PLCB4: variants seen among roughly 807,000 people sequenced by gnomAD.
The protein encoded by PLCB4 is 1-phosphatidylinositol 4,5-bisphosphate phosphodiesterase beta-4.
PLCB4 carries 77 observed loss-of-function variants against 178.8 expected under a neutral mutation model. The observed-to-expected ratio is 0.43, with a 90% CI of 0.36 to 0.52. The LOEUF (loss-of-function observed/expected upper bound fraction) is 0.52, where lower values mean the gene tolerates loss of function less well. Ranked by LOEUF, PLCB4 falls within the 20% of genes least tolerant of loss-of-function variation. The pLI is 0.00. For synonymous variants in PLCB4, 496 were observed against 490.8 expected (o/e 1.01, Z -0.14); for missense variants, 1,024 against 1,453.4 (o/e 0.70, Z 4.80).
chr20:9,268,186 C>T (rs1601524793), intron 3 of PLCB4, among the ~76,000 whole-genome samples: 1 of 152,260 alleles, frequency 6.6e-6, no homozygotes, highest in South Asian at 2.1e-4. Context: ...CAAAAACAAA[C>T]TAGCAAAATT....
intron 12 of PLCB4, among the ~76,000 whole-genome samples, chr20:9,375,606 TATGATACG>T (rs2036601868): frequency 6.6e-6 from 1 of 152,162 alleles, no homozygotes. Flanking sequence ...ATCCTTTGAG[TATGATACG>T]ATGTTTATTT....
chr20:9,372,857 C>CTGT lies in PLCB4; in HGVS notation c.687-170_687-168dup, dbSNP rs111506447. On this transcript the variant is annotated intron_variant, in intron 11 of 39. Coordinates refer to ENST00000378473, the MANE Select transcript of PLCB4 (RefSeq NM_001377142.1). ...GTGACCTAGTGGGAGTGTTTTCCTT[C>CTGT]TGTTGTTGTTGTTGTTGTTGTTTTA... 8.8e-3 allele frequency among the ~76,000 whole-genome samples: 1,322 copies of CTGT among 150,254 alleles called. 23 individuals are homozygous for CTGT. The highest frequency in any genetic ancestry group is 0.03 in the African/African-American group (1,231 of 41,044).
intron 7 of PLCB4, 93 bp downstream of exon 7, chr20:9,339,130 T>C: frequency 1.1e-6 from 1 of 943,502 alleles, no homozygotes; most frequent in Non-Finnish European, 1.6e-6. Flanking sequence ...TATACTTAAA[T>C]TGTATGGTAA....
At position 9,419,272 on chromosome 20, in the gene PLCB4, C is replaced by CA. The variant is rs150815054; in HGVS notation, c.2052-534dup. 8.8e-3 allele frequency among the ~76,000 whole-genome samples: 1,337 copies of CA among 152,280 alleles called. 5 individuals are homozygous for CA. The highest frequency in any genetic ancestry group is 0.019 in the South Asian group (90 of 4,828). ...GTGAATGTAGACAACAATCCACAGT[C>CA]ACATTAGTGGTACCCGTGACTCTCT... On this transcript the variant is annotated intron_variant, in intron 25 of 39. Coordinates refer to ENST00000378473, the MANE Select transcript of PLCB4 (RefSeq NM_001377142.1).
At chr20:9,105,596 A>G (rs2091332604) in intron 2 of PLCB4, among the ~76,000 whole-genome samples, 2 of 152,242 alleles carry the variant, frequency 1.3e-5, no homozygotes, top group Admixed American at 6.5e-5. Flanking sequence ...TGATTGAACA[A>G]TGGTATTGAT....
At chr20:9,132,087 G>A (rs2092286391) in intron 2 of PLCB4, among the ~76,000 whole-genome samples, 2 of 152,118 alleles carry the variant, frequency 1.3e-5, no homozygotes, top group Non-Finnish European at 2.9e-5. Context: ...GAATTGTGAG[G>A]AATAATTTAT....
At chr20:9,247,526 T>C (rs2094137939) in intron 3 of PLCB4, among the ~76,000 whole-genome samples, 1 of 152,250 alleles carries the variant, frequency 6.6e-6, no homozygotes, top group Non-Finnish European at 1.5e-5. Context: ...GACACATTTC[T>C]GTTACTAACC....
chr20:9,361,403 A>G (rs1472498842), intron 7 of PLCB4, among the ~76,000 whole-genome samples: 1 of 152,212 alleles, frequency 6.6e-6, no homozygotes, highest in Admixed American at 6.5e-5. Context: ...GTATGGTTCC[A>G]TTTATATGAG....
chr20:9,284,726 A>T (rs558036566), intron 3 of PLCB4, among the ~76,000 whole-genome samples: 1 of 152,124 alleles, frequency 6.6e-6, no homozygotes, highest in African/African-American at 2.4e-5. Flanking sequence ...GGAAATAGAT[A>T]AATAGATCAG....
At chr20:9,350,975 A>G (rs1479600310) in intron 7 of PLCB4, among the ~76,000 whole-genome samples, 1 of 152,194 alleles carries the variant, frequency 6.6e-6, no homozygotes, top group Non-Finnish European at 1.5e-5. Flanking sequence ...TTTTAAGATC[A>G]TTATCTGTGG....
intron 2 of PLCB4, among the ~76,000 whole-genome samples, chr20:9,214,119 G>A (rs1283131069): frequency 6.6e-6 from 1 of 152,106 alleles, no homozygotes; most frequent in African/African-American, 2.4e-5. Flanking sequence ...AAAGAGGTTC[G>A]ACTTATCTTC....
At chr20:9,236,786 A>G (rs569878143) in intron 3 of PLCB4, among the ~76,000 whole-genome samples, 3 of 152,334 alleles carry the variant, frequency 2.0e-5, no homozygotes, top group African/African-American at 4.8e-5. Context: ...GCTGAATGCT[A>G]TTTAATCCAA....
chr20:9,249,414 C>A, intron 3 of PLCB4, among the ~76,000 whole-genome samples: 1 of 152,066 alleles, frequency 6.6e-6, no homozygotes, highest in East Asian at 1.9e-4. Flanking sequence ...CTCAAGGGAT[C>A]TTCCCACCTC....
At chr20:9,314,191 G>A (rs2094871459) in intron 4 of PLCB4, among the ~76,000 whole-genome samples, 1 of 152,170 alleles carries the variant, frequency 6.6e-6, no homozygotes, top group Non-Finnish European at 1.5e-5. Context: ...CCATCAATGG[G>A]TTTACTTTCC....
intron 3 of PLCB4, among the ~76,000 whole-genome samples, chr20:9,299,521 T>C (rs553693009): frequency 1.2e-3 from 182 of 152,172 alleles, no homozygotes; most frequent in African/African-American, 4.2e-3. Flanking sequence ...CGTGTAATTT[T>C]ATAGCCTGTG....
In PLCB4 at chr20:9,112,037, A is replaced by T. The variant is rs550323867; in HGVS notation, c.-79+15695A>T. 2.6e-5 allele frequency among the ~76,000 whole-genome samples: 4 copies of T among 152,274 alleles called. No homozygotes were observed. The East Asian group carries it at 7.7e-4, about 29-fold the overall frequency. ...ATATGCCTTACATTTAGACCAAATT[A>T]AAAAAATGGATCTTTATTTTGGATA... On this transcript the variant is annotated intron_variant, in intron 2 of 39. Transcript: ENST00000378473.
intron 1 of PLCB4, among the ~76,000 whole-genome samples, chr20:9,092,582 A>C (rs967253838): frequency 6.6e-6 from 1 of 152,154 alleles, no homozygotes; most frequent in African/African-American, 2.4e-5. Flanking sequence ...ATATATTAGA[A>C]TATTTTTGGC....
intron 3 of PLCB4, among the ~76,000 whole-genome samples, chr20:9,256,139 C>T (rs372251249): frequency 6.6e-6 from 1 of 152,080 alleles, no homozygotes; most frequent in African/African-American, 2.4e-5. Context: ...ATTGCTAGTG[C>T]GTTAATCAGG....
At chr20:9,182,018 G>A (rs2093254249) in intron 2 of PLCB4, among the ~76,000 whole-genome samples, 1 of 152,232 alleles carries the variant, frequency 6.6e-6, no homozygotes, top group Non-Finnish European at 1.5e-5. Flanking sequence ...AGTCATGAGA[G>A]TGGGAGTTGA....
Sources: allele counts gnomAD v4.1 joint callset (sites outside exome capture counted in the v4.1 genomes callset), GRCh38; gene constraint gnomAD v4.1.1; transcripts MANE v1.5; gene names NCBI Gene and HGNC (gene_info 2026-07-23, HGNC 2026-07-21).